ATP13A1: variants seen among roughly 807,000 people sequenced by gnomAD.
ATP13A1 encodes endoplasmic reticulum transmembrane helix translocase.
ATP13A1 carries 55 observed loss-of-function variants against 134.8 expected under a neutral mutation model. That is an observed-to-expected ratio of 0.41 (90% CI 0.33 to 0.51). The LOEUF (loss-of-function observed/expected upper bound fraction) is 0.51, where lower values mean the gene tolerates loss of function less well. ATP13A1 is among the 20% of genes least tolerant of loss of function. The pLI is 0.29. For synonymous variants in ATP13A1, 775 were observed against 725.1 expected (o/e 1.07, Z -1.10); for missense variants, 1,389 against 1,652.8 (o/e 0.84, Z 2.77).
chr19:19,655,116 T>G lies in ATP13A1; in HGVS notation c.1655+3A>C. On this transcript the variant is annotated splice_donor_region_variant and intron_variant, in intron 12 of 25. Coordinates refer to ENST00000357324, the MANE Select transcript of ATP13A1 (RefSeq NM_020410.3). This position sits in a 1 kb window ranked among gnomAD's most constrained non-coding sequence, Gnocchi z 5.7. Reference sequence around the variant, plus strand: ...CCTTTGCTGCAGGGCCCCTGATGCTTACCTCAGCCCGGCCACACCGCGCAC... The same window carrying G: ...CCTTTGCTGCAGGGCCCCTGATGCTGACCTCAGCCCGGCCACACCGCGCAC... 6.2e-7 allele frequency: 1 copy of G among 1,613,650 alleles called. No homozygotes were observed. The highest frequency in any genetic ancestry group is 1.1e-5 in the South Asian group (1 of 91,056).
Position 19,645,448 on chromosome 19 carries a change from T to C in ATP13A1, c.3589A>G (p.Thr1197Ala). 6.2e-7 allele frequency: 1 copy of C among 1,604,932 alleles called. No homozygotes were observed. The highest frequency in any genetic ancestry group is 1.1e-5 in the South Asian group (1 of 89,630). The change falls in exon 26 of 26, where the codon ACC becomes GCC. Residue 1197 changes from threonine to alanine, a missense_variant. Transcript: ENST00000357324. This position sits in a 1 kb window ranked among gnomAD's most constrained non-coding sequence, Gnocchi z 4.1. Reference protein sequence around the residue: ...ADRVLQFFLGTPKLKVPS With the variant: ...ADRVLQFFLGAPKLKVPS ...CAGGAAGGCACTTTCAGCTTCGGGG[T>C]CCCCAGGAAGAACTGCAGGACGCGG...
intron 17 of ATP13A1, 46 bp from the exon 18 acceptor site, chr19:19,649,986 GC>G (rs1310101438): frequency 2.0e-6 from 3 of 1,507,660 alleles, no homozygotes; most frequent in Non-Finnish European, 2.7e-6. Context: ...GGCTGACCGG[GC>G]TCAGAAGCAC....
At position 19,647,196 on chromosome 19, in the gene ATP13A1, C is replaced by CTGAACT. The variant is rs1397012294; in HGVS notation, c.3032_3037dup (p.Lys1011_Phe1012dup). Reference sequence around the variant, plus strand: ...CCCCTGTAGGGTGGCCTGGAAGTCACTGAACTTGACTCCCTCCAGGTAGAG... The same window carrying CTGAACT: ...CCCCTGTAGGGTGGCCTGGAAGTCACTGAACTTGAACTTGACTCCCTCCAGGTAGAG... On this transcript the variant is annotated inframe_insertion, in exon 22 of 26. Coordinates refer to ENST00000357324, the MANE Select transcript of ATP13A1 (RefSeq NM_020410.3). The surrounding 1 kb of genome is among the most constrained non-coding windows in gnomAD (Gnocchi z 4.8). 1 of 1,613,814 alleles carries CTGAACT rather than the reference C, an allele frequency of 6.2e-7. No homozygotes were observed. Among genetic ancestry groups the CTGAACT allele is most frequent in the Non-Finnish European group, 8.5e-7 (1 of 1,179,874 alleles).
chr19:19,657,461 G>T, intron 3 of ATP13A1, 53 bp from the exon 4 acceptor site: 3 of 1,526,364 alleles, frequency 2.0e-6, no homozygotes, highest in Non-Finnish European at 2.7e-6. Context: ...CTGGGGTATG[G>T]AGTCTCCACC....
rs1165790221 is a variant in ATP13A1, at chr19:19,663,562, G to C, written c.105C>G (p.Leu35=). The part of the protein sequence containing the change: ...QPKPGPQPRA[L]LAAGPALIAN... ...CTATGAGCGCCGGCCCGGCGGCAAG[G>C]AGCGCGCGCGGCTGCGGCCCGGGCT... The change falls in exon 1 of 26, where the codon CTC becomes CTG. Residue 35 remains leucine, a synonymous_variant. Coordinates refer to ENST00000357324, the MANE Select transcript of ATP13A1 (RefSeq NM_020410.3). 20 of 1,507,804 alleles carry C rather than the reference G, an allele frequency of 1.3e-5. No individual in the cohort carries two copies. Among genetic ancestry groups the C allele is most frequent in the Non-Finnish European group, 1.8e-5 (20 of 1,136,966 alleles). The allele number at this position is 1,507,804 out of a possible 1,614,324, so 93.4% of individuals were successfully genotyped here.
intron 13 of ATP13A1, 57 bp downstream of exon 13, chr19:19,654,486 T>C (rs1192970434): frequency 1.2e-5 from 18 of 1,541,196 alleles, no homozygotes; most frequent in Non-Finnish European, 1.5e-5. Context: ...CCCACCTGCC[T>C]AGGGCTGTGA....
In ATP13A1 at chr19:19,655,990, G is replaced by C; in HGVS notation, c.1214-57C>G. 2 of 1,610,806 alleles carry C rather than the reference G, an allele frequency of 1.2e-6. No individual in the cohort carries two copies. The highest frequency in any genetic ancestry group is 1.7e-6 in the Non-Finnish European group (2 of 1,179,298). ...TGTCTCCTCGTCCTGACTCCCTCATGATCAAGCAGACGGGCAAAGGGGGTG... is the reference window on the plus strand; with the variant it reads ...TGTCTCCTCGTCCTGACTCCCTCATCATCAAGCAGACGGGCAAAGGGGGTG... On this transcript the variant is annotated intron_variant, in intron 8 of 25. Transcript: ENST00000357324. This position sits in a 1 kb window ranked among gnomAD's most constrained non-coding sequence, Gnocchi z 5.7.
chr19:19,645,999 T>C lies in ATP13A1; in HGVS notation c.3249-14A>G, dbSNP rs2144894508. 5 of 1,610,192 alleles carry C rather than the reference T, an allele frequency of 3.1e-6. No homozygotes were observed. Among genetic ancestry groups the C allele is most frequent in the East Asian group, 2.2e-5 (1 of 44,872 alleles). On this transcript the variant is annotated splice_polypyrimidine_tract_variant and intron_variant, in intron 23 of 25. Transcript: ENST00000357324. The surrounding 1 kb of genome is among the most constrained non-coding windows in gnomAD (Gnocchi z 4.1). ...AACTGCTCCTGCCTGCAAGGACACA[T>C]GGGAGTCAGGGCCCCCTCTCCTGCT...
At position 19,655,850 on chromosome 19, in the gene ATP13A1, C is replaced by A. The variant is rs1480937824; in HGVS notation, c.1269+28G>T. 1.3e-6 allele frequency: 2 copies of A among 1,562,092 alleles called. No individual in the cohort carries two copies. Among genetic ancestry groups the A allele is most frequent in the East Asian group, 4.7e-5 (2 of 42,562 alleles). On this transcript the variant is annotated intron_variant, in intron 9 of 25. Transcript: ENST00000357324. The surrounding 1 kb of genome is among the most constrained non-coding windows in gnomAD (Gnocchi z 5.7). ...CCTTGGCTGTCCAACTGCCCTGGGG[C>A]CCGCCCTCCCCAGACCTGGCCCCGC...
chr19:19,654,188 G>T, intron 13 of ATP13A1, 44 bp from the exon 14 acceptor site: 1 of 1,536,202 alleles, frequency 6.5e-7, no homozygotes, highest in East Asian at 2.4e-5. Flanking sequence ...TTGCTCCAAA[G>T]AGGCAGCCAA....
Position 19,649,772 on chromosome 19 carries a change from T to C in ATP13A1, c.2504A>G (p.Gln835Arg), listed in dbSNP as rs781722207. The stretch of plus-strand genomic sequence containing the variant: ...CTTGGGAGCCACACGGGCGAACACC[T>C]GCACATGGGGGATGAGGCGGAGCAG... ...QQLLRLIPHV[Q>R]VFARVAPKQK... Residue 835 changes from glutamine (Q) to arginine (R), a missense_variant, in exon 18 of 26, where the codon CAG (glutamine) becomes CGG (arginine). This residue lies in a region of ATP13A1 where 747 missense variants were observed against 956.1 expected (regional missense o/e 0.78). Transcript: ENST00000357324. The C allele has an allele frequency of 3.7e-6, 6 of 1,601,136 alleles. No individual in the cohort carries two copies. The highest frequency in any genetic ancestry group is 1.7e-5 in the Admixed American group (1 of 59,692).
intron 1 of ATP13A1, 125 bp from the exon 2 acceptor site, chr19:19,660,112 C>G (rs771449517): frequency 1.3e-5 from 10 of 752,694 alleles, no homozygotes; most frequent in Non-Finnish European, 2.2e-5. Context: ...GGCTCTGGTG[C>G]TGCCTCTGTC....
intron 3 of ATP13A1, among the ~76,000 whole-genome samples, chr19:19,658,135 T>A (rs976704426): frequency 2.0e-5 from 2 of 101,550 alleles, no homozygotes; most frequent in Non-Finnish European, 3.6e-5. Flanking sequence ...GGTAACAGAG[T>A]AAGACCCTGT....
rs901773375 is a variant in ATP13A1 at position 19,663,524 on chromosome 19, T to C, written c.143A>G (p.Glu48Gly). 5.5e-5 allele frequency: 84 copies of C among 1,529,974 alleles called. No homozygotes were observed. Among genetic ancestry groups the C allele is most frequent in the Non-Finnish European group, 7.1e-5 (81 of 1,144,584 alleles). 94.8% of individuals were successfully genotyped at this position (1,529,974 alleles called of 1,614,324 possible). A position where few individuals can be genotyped will look rare whatever the true frequency, so the allele number is the denominator to read the frequency against. Residue 48 changes from glutamate (E) to glycine (G), a missense_variant, in exon 1 of 26, where the codon GAG becomes GGG. Glu to Gly is a moderately conservative substitution (Grantham distance 98, BLOSUM62 -2). Transcript: ENST00000357324. ...AGPALIANGD[E>G]LVAAVWPYRR... ...GTACGGCCACACGGCAGCCACCAGC[T>C]CGTCACCGTTCGCTATGAGCGCCGG...
chr19:19,662,112 T>C (rs1349498127), intron 1 of ATP13A1: 2 of 1,569,444 alleles, frequency 1.3e-6, no homozygotes, highest in Admixed American at 3.7e-5. Context: ...CTCCCACTTC[T>C]CCATCCCTGG....
Position 19,659,673 on chromosome 19 carries a change from T to C in ATP13A1, c.605A>G (p.Tyr202Cys). The change falls in exon 3 of 26, where the codon TAC (tyrosine) becomes TGC (cysteine). Residue 202 changes from tyrosine to cysteine, a missense_variant. Transcript: ENST00000357324. ...VAFPVGNAFS[Y>C]YQSNRGFQED... is the part of the protein sequence containing the mutation. ...CTGGAAGCCTCTGTTGCTCTGATAG[T>C]ATGAGAAGGCGTTTCCCACAGGAAA... 1.9e-6 allele frequency: 3 copies of C among 1,613,928 alleles called. No individual in the cohort carries two copies. The highest frequency in any genetic ancestry group is 2.2e-5 in the East Asian group (1 of 44,876).
rs370819990 is a variant in ATP13A1, at chr19:19,659,795, C to A, written c.487-4G>T. ...GCACCTCAAGCCCGTCTTCGCCCTG[C>A]GGTAGAAGGTGTGTTTGCCACAGAG... On this transcript the variant is annotated splice_region_variant and splice_polypyrimidine_tract_variant and intron_variant, in intron 2 of 25. Transcript: ENST00000357324. 2.5e-6 allele frequency: 4 copies of A among 1,612,442 alleles called. No homozygotes were observed. Among genetic ancestry groups the A allele is most frequent in the Non-Finnish European group, 3.4e-6 (4 of 1,179,040 alleles).
At position 19,645,828 on chromosome 19, in the gene ATP13A1, G is replaced by A; in HGVS notation, c.3361-38C>T. ...GGGACAGATGGCTTCATGGGGTGGG[G>A]CTGGGTGGGCAGACAGTGAATGTTT... On this transcript the variant is annotated intron_variant, in intron 24 of 25. Transcript: ENST00000357324. This position sits in a 1 kb window ranked among gnomAD's most constrained non-coding sequence, Gnocchi z 4.1. 6.2e-7 allele frequency: 1 copy of A among 1,610,700 alleles called. No homozygotes were observed. Among genetic ancestry groups the A allele is most frequent in the African/African-American group, 1.3e-5 (1 of 74,866 alleles).
rs748698534 is a variant in ATP13A1, at chr19:19,657,318, C to T, written c.750+18G>A. ...CCAAGGGAGGAAATGGGGAGATGGG[C>T]CAGAGCTGCTGCTTTACCTGAAATA... On this transcript the variant is annotated intron_variant, in intron 4 of 25. Coordinates refer to ENST00000357324, the MANE Select transcript of ATP13A1 (RefSeq NM_020410.3). 3.2e-6 allele frequency: 5 copies of T among 1,559,504 alleles called. No homozygotes were observed. Among genetic ancestry groups the T allele is most frequent in the Middle Eastern group, 1.7e-4 (1 of 6,018 alleles).
Sources: allele counts gnomAD v4.1 joint callset (sites outside exome capture counted in the v4.1 genomes callset), GRCh38; gene constraint gnomAD v4.1.1; regional missense constraint gnomAD v4.1.1; non-coding constraint Gnocchi (gnomAD v3.1); transcripts MANE v1.5; gene names NCBI Gene and HGNC (gene_info 2026-07-23, HGNC 2026-07-21).